The following COA1 variants were observed in gnomAD, a reference collection of about 807,000 sequenced individuals.
The protein encoded by COA1 is cytochrome c oxidase assembly factor 1.
A neutral mutation model predicts 16.0 loss-of-function variants in COA1; 13 were observed. The ratio of observed to expected loss-of-function variants is 0.81; its 90% CI spans 0.53 to 1.29. The LOEUF (loss-of-function observed/expected upper bound fraction) is 1.29, where lower values mean the gene tolerates loss of function less well. Among genes scored for constraint, COA1 ranks in the 50% most tolerant of loss-of-function variants. The pLI is 0.00. For missense variants in COA1, 179 were observed against 177.0 expected (o/e 1.01, Z -0.06); for synonymous variants, 65 against 65.7 (o/e 0.99, Z 0.05).
chr7:43,640,925 G>A (rs2086885670), intron 4 of COA1: 2 of 331,756 alleles, frequency 6.0e-6, no homozygotes, highest in Admixed American at 5.2e-5. Context: ...TCGCTCAAAA[G>A]TCCACTGTTA....
chr7:43,682,926 T>C (rs555230207), intron 1 of COA1, among the ~76,000 whole-genome samples: 18 of 152,310 alleles, frequency 1.2e-4, no homozygotes, highest in Admixed American at 1.2e-3. Context: ...CTTGGCTCAC[T>C]GCAACCTCTG....
At chr7:43,718,936 C>A (rs549854080) in intron 1 of COA1, among the ~76,000 whole-genome samples, 13 of 150,956 alleles carry the variant, frequency 8.6e-5, no homozygotes, top group Middle Eastern at 3.4e-3. Context: ...CAACAGGGAG[C>A]AAGATTAGAA....
intron 1 of COA1, among the ~76,000 whole-genome samples, chr7:43,656,479 C>T (rs939255248): frequency 5.3e-5 from 8 of 151,622 alleles, no homozygotes; most frequent in South Asian, 2.1e-4. Context: ...AGGCGGATCA[C>T]GAGGTCAAGA....
intron 1 of COA1, among the ~76,000 whole-genome samples, chr7:43,673,996 G>A (rs1317507213): frequency 9.9e-5 from 15 of 152,104 alleles, no homozygotes; most frequent in Non-Finnish European, 2.1e-4. Context: ...CCTACTTAAA[G>A]GTGGAGGGAG....
At chr7:43,722,175 C>T (rs148977552) in intron 1 of COA1, among the ~76,000 whole-genome samples, 5 of 151,546 alleles carry the variant, frequency 3.3e-5, no homozygotes, top group Admixed American at 6.6e-5. Flanking sequence ...ACTACAGCCT[C>T]GACCTCCCAG....
chr7:43,664,127 G>GAGAGAGAGAGAGAGAGAT (rs1231238244), intron 1 of COA1, among the ~76,000 whole-genome samples: 1 of 150,670 alleles, frequency 6.6e-6, no homozygotes, highest in African/African-American at 2.5e-5. Flanking sequence ...GAGAGAGAGA[G>GAGAGAGAGAGAGAGAGAT]AGAGTCTTGC....
At chr7:43,652,830 A>G (rs536104307) in intron 1 of COA1, among the ~76,000 whole-genome samples, 1 of 145,732 alleles carries the variant, frequency 6.9e-6, no homozygotes, top group South Asian at 2.2e-4. Context: ...TGGGGATTAC[A>G]TATCATCCAG....
chr7:43,612,110 T>C (rs1260048211), intron 6 of COA1, among the ~76,000 whole-genome samples: 1 of 152,266 alleles, frequency 6.6e-6, no homozygotes, highest in Non-Finnish European at 1.5e-5. Flanking sequence ...TGGTTTAGAA[T>C]TCTTTCCAGA....
chr7:43,715,477 C>CAA (rs111522661), intron 1 of COA1, among the ~76,000 whole-genome samples: 4 of 128,752 alleles, frequency 3.1e-5, no homozygotes, highest in Non-Finnish European at 3.4e-5. Context: ...GACTCTATCT[C>CAA]AAAAAAAAAA....
intron 1 of COA1, among the ~76,000 whole-genome samples, chr7:43,678,281 A>G (rs553348903): frequency 1.3e-5 from 2 of 152,370 alleles, no homozygotes; most frequent in East Asian, 3.9e-4. Context: ...ATCCACATGC[A>G]AAAGTATGAA....
chr7:43,643,519 GCTC>G (rs1393552795), intron 4 of COA1, among the ~76,000 whole-genome samples: 2 of 152,206 alleles, frequency 1.3e-5, no homozygotes, highest in Non-Finnish European at 2.9e-5. Context: ...CCTTCCCTGT[GCTC>G]CTCCTCCAGG....
chr7:43,645,354 A>C lies in COA1; in HGVS notation c.161T>G (p.Leu54Arg). The C allele has an allele frequency of 6.2e-7, 1 of 1,614,046 alleles. No individual in the cohort carries two copies. The highest frequency in any genetic ancestry group is 8.5e-7 in the Non-Finnish European group (1 of 1,179,896). The change falls in exon 4 of 6, where the codon CTG (leucine) becomes CGG (arginine). Residue 54 changes from leucine to arginine, a missense_variant. By Grantham distance (102) the Leu-to-Arg change is moderately radical. Transcript: ENST00000223336. ...TTCCTGTGCCTCGGGATGGCTCTGCAGCTGCTCCACTGCCAACTTGTAATA... is the reference window on the plus strand; with the variant it reads ...TTCCTGTGCCTCGGGATGGCTCTGCCGCTGCTCCACTGCCAACTTGTAATA... Reference protein sequence around the residue: ...ALYYKLAVEQLQSHPEAQEAL... With the variant: ...ALYYKLAVEQRQSHPEAQEAL...
intron 1 of COA1, among the ~76,000 whole-genome samples, chr7:43,721,358 G>C (rs2095501857): frequency 1.3e-5 from 2 of 152,120 alleles, no homozygotes; most frequent in African/African-American, 2.4e-5. Flanking sequence ...CTGACAAAAA[G>C]CCACAATCTT....
intron 1 of COA1, among the ~76,000 whole-genome samples, chr7:43,706,692 A>AATTTC (rs563823297): frequency 6.4e-4 from 97 of 152,132 alleles, no homozygotes; most frequent in African/African-American, 2.2e-3. Flanking sequence ...AACATAGTGA[A>AATTTC]AGACTGTCTC....
chr7:43,654,648 T>C (rs529691960), intron 1 of COA1, among the ~76,000 whole-genome samples: 3 of 151,598 alleles, frequency 2.0e-5, no homozygotes, highest in South Asian at 2.1e-4. Flanking sequence ...AAATGGCAAG[T>C]GGAGATTTAG....
intron 1 of COA1, among the ~76,000 whole-genome samples, chr7:43,676,756 A>G (rs935772669): frequency 6.6e-6 from 1 of 152,194 alleles, no homozygotes; most frequent in Non-Finnish European, 1.5e-5. Context: ...GTATCAAAAT[A>G]TCACATTGTA....
At chr7:43,673,568 T>C (rs1012951529) in intron 1 of COA1, among the ~76,000 whole-genome samples, 5 of 152,216 alleles carry the variant, frequency 3.3e-5, no homozygotes, top group African/African-American at 1.2e-4. Context: ...GTTCAGCCAT[T>C]GTGGAAAGCA....
At chr7:43,674,334 T>C (rs2093412963) in intron 1 of COA1, among the ~76,000 whole-genome samples, 1 of 152,238 alleles carries the variant, frequency 6.6e-6, no homozygotes, top group South Asian at 2.1e-4. Context: ...CTGAGTAAAC[T>C]TTCATTCTGT....
chr7:43,642,918 T>C (rs1314897443), intron 4 of COA1, among the ~76,000 whole-genome samples: 1 of 152,228 alleles, frequency 6.6e-6, no homozygotes, highest in African/African-American at 2.4e-5. Context: ...ATATGCTGTA[T>C]ACAGGCATCC....
Sources: gnomAD v4.1 joint callset for allele counts (sites outside exome capture counted in the v4.1 genomes callset) on GRCh38, gnomAD v4.1.1 for gene constraint, MANE v1.5 for transcripts, NCBI Gene and HGNC (gene_info 2026-07-23, HGNC 2026-07-21) for gene names.